SOD1: variants seen among roughly 807,000 people sequenced by gnomAD.
The protein encoded by SOD1 is superoxide dismutase [Cu-Zn].
Under a neutral mutation model 15.9 loss-of-function variants are expected in SOD1, and 8 were observed. The ratio of observed to expected loss-of-function variants is 0.50; its 90% CI spans 0.30 to 0.91. The LOEUF (loss-of-function observed/expected upper bound fraction) is 0.91. SOD1 is among the 40% of genes least tolerant of loss of function. The probability of loss-of-function intolerance (pLI) is 0.07; values close to 1 mark genes in which losing one functional copy is unlikely to be tolerated. For synonymous variants in SOD1, 86 were observed against 71.2 expected (o/e 1.21, Z -1.04); for missense variants, 137 against 194.5 (o/e 0.70, Z 1.76).
rs1428716759 is a variant in SOD1, at chr21:31,663,812, T to G, written c.95T>G (p.Val32Gly). The part of the protein sequence containing the change: ...EQKESNGPVK[V>G]WGSIKGLTEG... ...AAGGAAAGTAATGGACCAGTGAAGGTGTGGGGAAGCATTAAAGGACTGACT... is the reference window on the plus strand; with the variant it reads ...AAGGAAAGTAATGGACCAGTGAAGGGGTGGGGAAGCATTAAAGGACTGACT... The change falls in exon 2 of 5, where the codon GTG becomes GGG. Residue 32 changes from valine to glycine, a missense_variant. By Grantham distance (109) the Val-to-Gly change is moderately radical. Coordinates refer to ENST00000270142, the MANE Select transcript of SOD1 (RefSeq NM_000454.5). 6.2e-7 allele frequency: 1 copy of G among 1,612,890 alleles called. No homozygotes were observed. The highest frequency in any genetic ancestry group is 8.5e-7 in the Non-Finnish European group (1 of 1,179,126).
chr21:31,666,175 T>C (rs1263391218), intron 2 of SOD1, among the ~76,000 whole-genome samples: 2 of 152,100 alleles, frequency 1.3e-5, no homozygotes, highest in East Asian at 3.9e-4. Flanking sequence ...GGTTTTGCTA[T>C]GCTGGCCAGG....
rs535923763 is a variant in SOD1, at chr21:31,663,897, T to C, written c.169+11T>C. The stretch of plus-strand genomic sequence containing the variant: ...GAGATAATACAGCAGGTGGGTGTTG[T>C]GCTGTGCTGGTGACCCATACTTGTT... On this transcript the variant is annotated intron_variant, in intron 2 of 4. Transcript: ENST00000270142. 1.2e-6 allele frequency: 2 copies of C among 1,601,920 alleles called. No individual in the cohort carries two copies. Among genetic ancestry groups the C allele is most frequent in the South Asian group, 1.1e-5 (1 of 90,812 alleles).
rs1601157750 is a variant in SOD1 at position 31,666,508 on chromosome 21, G to T, written c.229G>T (p.Asp77Tyr). The change falls in exon 3 of 5, where the codon GAT becomes TAT. Residue 77 changes from aspartate to tyrosine, a missense_variant. Asp to Tyr is a radical substitution (Grantham distance 160). Coordinates refer to ENST00000270142, the MANE Select transcript of SOD1 (RefSeq NM_000454.5). Reference protein sequence around the residue: ...PLSRKHGGPKDEERHVGDLGN... With the variant: ...PLSRKHGGPKYEERHVGDLGN... ...ATCCAGAAAACACGGTGGGCCAAAG[G>T]ATGAAGAGAGGTAACAAGATGCTTA... 1.9e-6 allele frequency: 3 copies of T among 1,610,712 alleles called. No individual in the cohort carries two copies. Among genetic ancestry groups the T allele is most frequent in the Non-Finnish European group, 2.5e-6 (3 of 1,177,128 alleles).
Position 31,668,591 on chromosome 21 carries a change from A to T in SOD1, c.*13A>T. 6.3e-7 allele frequency: 1 copy of T among 1,589,538 alleles called. No individual in the cohort carries two copies. Among genetic ancestry groups the T allele is most frequent in the Non-Finnish European group, 8.6e-7 (1 of 1,157,450 alleles). ...GATCGCCCAATAAACATTCCCTTGG[A>T]TGTAGTCTGAGGCCCCTTAACTCAT... On this transcript the variant is annotated 3_prime_UTR_variant, in exon 5 of 5. Transcript: ENST00000270142.
At chr21:31,667,074 C>T (rs1033000214) in intron 3 of SOD1, 184 bp from the exon 4 acceptor site, 2 of 638,714 alleles carry the variant, frequency 3.1e-6, no homozygotes, top group Non-Finnish European at 5.7e-6. Context: ...CAGGTGCAGC[C>T]CCATCTTTCT....
In SOD1 at chr21:31,668,618, T is replaced by A; in HGVS notation, c.*40T>A. 1 of 1,338,910 alleles carries A rather than the reference T, an allele frequency of 7.5e-7. No homozygotes were observed. 82.9% of individuals were successfully genotyped at this position (1,338,910 alleles called of 1,614,324 possible). Reference sequence around the variant, plus strand: ...GTAGTCTGAGGCCCCTTAACTCATCTGTTATCCTGCTAGCTGTAGAAATGT... The same window carrying A: ...GTAGTCTGAGGCCCCTTAACTCATCAGTTATCCTGCTAGCTGTAGAAATGT... On this transcript the variant is annotated 3_prime_UTR_variant, in exon 5 of 5. Transcript: ENST00000270142.
intron 3 of SOD1, chr21:31,666,881 T>TA: frequency 2.6e-6 from 1 of 387,920 alleles, no homozygotes. Context: ...AAAAAATTGA[T>TA]ACTGAAAACT....
At position 31,668,495 on chromosome 21, in the gene SOD1, G is replaced by A; in HGVS notation, c.382G>A (p.Gly128Ser). Reference sequence around the variant, plus strand: ...GGTCCATGAAAAAGCAGATGACTTGGGCAAAGGTGGAAATGAAGAAAGTAC... The same window carrying A: ...GGTCCATGAAAAAGCAGATGACTTGAGCAAAGGTGGAAATGAAGAAAGTAC... ...LVVHEKADDL[G>S]KGGNEESTKT... Residue 128 changes from glycine to serine, a missense_variant, in exon 5 of 5, where the codon GGC becomes AGC. By Grantham distance (56) the Gly-to-Ser change is moderately conservative. Transcript: ENST00000270142. 1 of 1,613,872 alleles carries A rather than the reference G, an allele frequency of 6.2e-7. No individual in the cohort carries two copies. The highest frequency in any genetic ancestry group is 8.5e-7 in the Non-Finnish European group (1 of 1,179,820).
In SOD1 at chr21:31,668,706, C is replaced by CT. The variant is rs2049621845; in HGVS notation, c.*131dup. On this transcript the variant is annotated 3_prime_UTR_variant, in exon 5 of 5. Transcript: ENST00000270142. The stretch of plus-strand genomic sequence containing the variant: ...TAATTGTGTGACTTTTTCAGAGTTG[C>CT]TTTAAAGTACCTGTAGTGAGAAACT... 4.0e-6 allele frequency: 3 copies of CT among 746,422 alleles called. No individual in the cohort carries two copies. The Admixed American group carries it at 6.2e-5, about 15-fold the overall frequency. The allele number at this position is 746,422 out of a possible 1,614,324, so 46.2% of individuals were successfully genotyped here.
At chr21:31,667,462 A>G (rs201524601) in intron 4 of SOD1, 87 bp downstream of exon 4, 1 of 788,486 alleles carries the variant, frequency 1.3e-6, no homozygotes, top group East Asian at 1.0e-4. Context: ...CGCGGTTTCT[A>G]AAGATCCAGA....
In SOD1 at chr21:31,668,509, T is replaced by C. The variant is rs1027128618; in HGVS notation, c.396T>C (p.Asn132=). ...CAGATGACTTGGGCAAAGGTGGAAATGAAGAAAGTACAAAGACAGGAAACG... is the reference window on the plus strand; with the variant it reads ...CAGATGACTTGGGCAAAGGTGGAAACGAAGAAAGTACAAAGACAGGAAACG... The part of the protein sequence containing the change: ...EKADDLGKGG[N]EESTKTGNAG... Residue 132 remains asparagine (N), a synonymous_variant, in exon 5 of 5, where the codon AAT becomes AAC. Coordinates refer to ENST00000270142, the MANE Select transcript of SOD1 (RefSeq NM_000454.5). The C allele has an allele frequency of 1.2e-6, 2 of 1,613,782 alleles. No homozygotes were observed. Among genetic ancestry groups the C allele is most frequent in the African/African-American group, 1.3e-5 (1 of 74,880 alleles).
chr21:31,667,697 A>G (rs2123436046), intron 4 of SOD1, among the ~76,000 whole-genome samples: 1 of 152,226 alleles, frequency 6.6e-6, no homozygotes, highest in East Asian at 1.9e-4. Flanking sequence ...CTTGTTAAAC[A>G]GAACATTTTG....
intron 3 of SOD1, chr21:31,666,931 C>A: frequency 2.5e-6 from 1 of 405,410 alleles, no homozygotes. Context: ...TTCTGAAAGC[C>A]TTTCAGAAAA....
intron 1 of SOD1, among the ~76,000 whole-genome samples, chr21:31,662,497 T>A (rs1381518168): frequency 6.6e-6 from 1 of 152,188 alleles, no homozygotes; most frequent in African/African-American, 2.4e-5. Context: ...AGTCCTGAGA[T>A]CTAGTTGTAA....
At chr21:31,663,025 GA>G (rs931231929) in intron 1 of SOD1, among the ~76,000 whole-genome samples, 4 of 134,588 alleles carry the variant, frequency 3.0e-5, no homozygotes, top group East Asian at 2.4e-4. Flanking sequence ...AAAAAAAAAA[GA>G]AAAAAACTTA....
intron 4 of SOD1, 35 bp from the exon 5 acceptor site, chr21:31,668,436 A>T (rs1241163295): frequency 6.7e-7 from 1 of 1,492,360 alleles, no homozygotes; most frequent in East Asian, 2.3e-5. Context: ...TGATTACTTG[A>T]CAGCCCAAAG....
In SOD1 at chr21:31,668,668, A is replaced by T. The variant is rs976796519; in HGVS notation, c.*90A>T. The T allele has an allele frequency of 2.6e-5, 26 of 997,180 alleles. No individual in the cohort carries two copies. Among genetic ancestry groups the T allele is most frequent in the Non-Finnish European group, 4.0e-5 (25 of 626,870 alleles). The allele number at this position is 997,180 out of a possible 1,614,324, so 61.8% of individuals were successfully genotyped here. ...TATCCTGATAAACATTAAACACTGT[A>T]ATCTTAAAAGTGTAATTGTGTGACT... On this transcript the variant is annotated 3_prime_UTR_variant, in exon 5 of 5. Transcript: ENST00000270142.
chr21:31,660,719 C>G (rs867524540), intron 1 of SOD1: 2 of 152,308 alleles, frequency 1.3e-5, no homozygotes, highest in South Asian at 2.1e-4. Flanking sequence ...GTGAGTATTG[C>G]TGTTTTTTGA....
intron 2 of SOD1, among the ~76,000 whole-genome samples, chr21:31,665,288 T>C (rs2049583527): frequency 6.6e-6 from 1 of 152,232 alleles, no homozygotes; most frequent in African/African-American, 2.4e-5. Context: ...AGTTTATGAG[T>C]TAAGTTGCAT....
Sources: gnomAD v4.1 joint callset for allele counts (sites outside exome capture counted in the v4.1 genomes callset) on GRCh38, gnomAD v4.1.1 for gene constraint, MANE v1.5 for transcripts, NCBI Gene and HGNC (gene_info 2026-07-23, HGNC 2026-07-21) for gene names.